The following TAF1D variants were observed in gnomAD, a reference collection of about 807,000 sequenced individuals.
The protein encoded by TAF1D is TATA box-binding protein-associated factor RNA polymerase I subunit D.
A neutral mutation model predicts 26.2 loss-of-function variants in TAF1D; 23 were observed. That is an observed-to-expected ratio of 0.88 (90% CI 0.63 to 1.25). The LOEUF is 1.25. TAF1D is among the 50% of genes most tolerant of loss of function. TAF1D has a pLI of 0.00. For missense variants in TAF1D, 299 were observed against 322.0 expected (o/e 0.93, Z 0.55); for synonymous variants, 100 against 105.6 (o/e 0.95, Z 0.33).
At chr11:93,736,328 A>G (rs768763615) in intron 5 of TAF1D, 24 bp from the exon 6 acceptor site, 172 of 1,583,794 alleles carry the variant, frequency 1.1e-4, no homozygotes, top group Non-Finnish European at 1.5e-5. Context: ...ACAAAAAATC[A>G]TGGATTAAGC....
chr11:93,731,553 T>G (rs1029106782), downstream of TAF1D: 1 of 518,956 alleles, frequency 1.9e-6, no homozygotes. Flanking sequence ...AGTTGAACAT[T>G]TCGCCCATCA....
intron 1 of TAF1D, among the ~76,000 whole-genome samples, chr11:93,740,047 C>A (rs1941562959): frequency 6.6e-6 from 1 of 150,726 alleles, no homozygotes; most frequent in South Asian, 2.1e-4. Flanking sequence ...GTGGCTCAGG[C>A]CTGTGTAACA....
downstream of TAF1D, chr11:93,735,193 C>G (rs191868253): frequency 7.9e-4 from 1,065 of 1,352,030 alleles, 11 homozygotes; most frequent in African/African-American, 0.014. Context: ...TTGCACCTAT[C>G]TGTAAGTCTT....
chr11:93,732,984 G>C (rs774730881), downstream of TAF1D: 3 of 312,300 alleles, frequency 9.6e-6, no homozygotes, highest in South Asian at 2.7e-5. Context: ...ATTTTTGCCA[G>C]TATCTTACTA....
chr11:93,736,077 T>G lies in TAF1D; in HGVS notation c.*84A>C. ...TTTCAGAATTTCTTCACCACCAGACTGGTACATATATCCACATTTATCTTT... is the reference window on the plus strand; with the variant it reads ...TTTCAGAATTTCTTCACCACCAGACGGGTACATATATCCACATTTATCTTT... On this transcript the variant is annotated 3_prime_UTR_variant, in exon 6 of 6. Transcript: ENST00000448108. 1 of 1,575,020 alleles carries G rather than the reference T, an allele frequency of 6.3e-7. No homozygotes were observed.
In TAF1D at chr11:93,736,712, T is replaced by C; in HGVS notation, c.675A>G (p.Glu225=). ...CACTTACTGCCAATTTGATATCACA[T>C]TCGTTATCTTCAAGATGTGTTGCAT... ...DEDATHLEDN[E]CDIKLAGDSF... is the part of the protein sequence containing the mutation. The change falls in exon 5 of 6, where the codon GAA becomes GAG. Residue 225 remains glutamate (E), a synonymous_variant. Transcript: ENST00000448108. The C allele has an allele frequency of 6.2e-7, 1 of 1,611,716 alleles. No homozygotes were observed. Among genetic ancestry groups the C allele is most frequent in the Non-Finnish European group, 8.5e-7 (1 of 1,179,368 alleles).
At chr11:93,736,531 C>G in intron 5 of TAF1D, 163 bp downstream of exon 5, 1 of 1,422,234 alleles carries the variant, frequency 7.0e-7, no homozygotes, top group Non-Finnish European at 9.2e-7. Context: ...TGTTCTTTAT[C>G]AAGTCTCTAA....
At position 93,735,878 on chromosome 11, in the gene TAF1D, C is replaced by T. The variant is rs1017257106; in HGVS notation, c.*283G>A. ...CACTACATTTCATTGTTTCAATACT[C>T]ACAGGACACCTGTAAGCTCTTATTC... On this transcript the variant is annotated 3_prime_UTR_variant, in exon 6 of 6. Coordinates refer to ENST00000448108, the MANE Select transcript of TAF1D (RefSeq NM_024116.4). 9.5e-6 allele frequency: 11 copies of T among 1,161,460 alleles called. No homozygotes were observed. In the African/African-American group the frequency reaches 1.8e-4, roughly 19 times the overall value. 71.9% of individuals were successfully genotyped at this position (1,161,460 alleles called of 1,614,324 possible).
chr11:93,734,572 A>G, downstream of TAF1D: 1 of 485,564 alleles, frequency 2.1e-6, no homozygotes, highest in South Asian at 1.5e-5. Flanking sequence ...CTGACAACAT[A>G]CTGTTTCCTA....
At chr11:93,730,798 C>T (rs1938501981), downstream of TAF1D, 4 of 408,676 alleles carry the variant, frequency 9.8e-6, no homozygotes, top group South Asian at 3.7e-5. Context: ...CTAGAACGAG[C>T]CTGAGTTAAC....
downstream of TAF1D, chr11:93,731,336 T>G (rs1363428049): frequency 2.9e-6 from 1 of 347,560 alleles, no homozygotes. Context: ...AGTAAGGTAT[T>G]GAAAATTCTA....
intron 5 of TAF1D, 105 bp downstream of exon 5, chr11:93,736,589 T>C: frequency 4.0e-6 from 6 of 1,489,808 alleles, no homozygotes; most frequent in Non-Finnish European, 5.3e-6. Flanking sequence ...TATAGAGCTT[T>C]TCAAAAGTTA....
intron 5 of TAF1D, 186 bp from the exon 6 acceptor site, chr11:93,736,490 C>G: frequency 7.0e-7 from 1 of 1,424,430 alleles, no homozygotes; most frequent in East Asian, 2.6e-5. Flanking sequence ...TATCAGAATG[C>G]TACTTATTAA....
chr11:93,735,454 A>C (rs1940550351), downstream of TAF1D: 1 of 551,610 alleles, frequency 1.8e-6, no homozygotes, highest in African/African-American at 2.1e-5. Flanking sequence ...AGGCCAAGGC[A>C]GGCGGATCGC....
chr11:93,733,664 T>C (rs1322266705), downstream of TAF1D: 5 of 479,660 alleles, frequency 1.0e-5, no homozygotes, highest in Admixed American at 9.0e-5. Context: ...AAAAATCGTG[T>C]GATTCTTGCT....
Position 93,741,485 on chromosome 11 carries a change from G to C in TAF1D, c.-191C>G, listed in dbSNP as rs1210024334. Reference sequence around the variant, plus strand: ...ACCAGCCGACCTCCTCCAACCGTGCGGAAGAAAAGGGTTGGCTATTTCCGT... The same window carrying C: ...ACCAGCCGACCTCCTCCAACCGTGCCGAAGAAAAGGGTTGGCTATTTCCGT... On this transcript the variant is annotated 5_prime_UTR_variant, in exon 1 of 6. Transcript: ENST00000448108. The C allele has an allele frequency of 6.6e-6, 3 of 456,036 alleles. No individual in the cohort carries two copies. Among genetic ancestry groups the C allele is most frequent in the Non-Finnish European group, 1.3e-5 (3 of 226,922 alleles). 28.2% of individuals were successfully genotyped at this position (456,036 alleles called of 1,614,324 possible). A position where few individuals can be genotyped will look rare whatever the true frequency, so the allele number is the denominator to read the frequency against.
At position 93,741,276 on chromosome 11, in the gene TAF1D, C is replaced by T. The variant is rs763074881; in HGVS notation, c.-28+46G>A. On this transcript the variant is annotated intron_variant, in intron 1 of 5. Coordinates refer to ENST00000448108, the MANE Select transcript of TAF1D (RefSeq NM_024116.4). ...GGGAAACCCCAGATATGCAACGCCT[C>T]CCCCGCCCGCCAGGCCCGGACGGCC... The T allele has an allele frequency of 6.6e-6, 3 of 455,294 alleles. No individual in the cohort carries two copies. The Admixed American group carries it at 7.1e-5, about 11-fold the overall frequency. The allele number at this position is 455,294 out of a possible 1,614,324, so 28.2% of individuals were successfully genotyped here.
downstream of TAF1D, chr11:93,735,265 G>C (rs760446122): frequency 7.5e-7 from 1 of 1,328,702 alleles, no homozygotes; most frequent in Non-Finnish European, 9.9e-7. Context: ...TAGCAGAGTA[G>C]TCAGCTCTAT....
rs1345429039 is a variant in TAF1D at position 93,738,222 on chromosome 11, T to C, written c.346A>G (p.Ile116Val). The change falls in exon 3 of 6, where the codon ATA becomes GTA. Residue 116 changes from isoleucine (I) to valine (V), a missense_variant. Ile to Val is a conservative substitution (Grantham distance 29). Transcript: ENST00000448108. ...RGRPEGRRNP[I>V]YSLIDKKKQF... ...TTCTTCTTATCTATTAGTGAGTATA[T>C]AGGATTTCTCCTTCCTTCTGGTCTT... 1.9e-6 allele frequency: 3 copies of C among 1,612,752 alleles called. No individual in the cohort carries two copies. The highest frequency in any genetic ancestry group is 1.3e-5 in the African/African-American group (1 of 74,906).
Sources: gnomAD v4.1 joint callset for allele counts (sites outside exome capture counted in the v4.1 genomes callset) on GRCh38, gnomAD v4.1.1 for gene constraint, MANE v1.5 for transcripts, NCBI Gene and HGNC (gene_info 2026-07-23, HGNC 2026-07-21) for gene names.